Variants in SERPINA4 observed in about 807,000 individuals in gnomAD.
The protein encoded by SERPINA4 is kallistatin.
In SERPINA4, 24 loss-of-function variants were observed where a neutral mutation model predicts 25.4. The ratio of observed to expected loss-of-function variants is 0.95; its 90% CI spans 0.69 to 1.33. The LOEUF is 1.33. SERPINA4 is among the 40% of genes most tolerant of loss of function. SERPINA4 has a pLI of 0.00. For missense variants in SERPINA4, 553 were observed against 535.8 expected (o/e 1.03, Z -0.32); for synonymous variants, 242 against 223.6 (o/e 1.08, Z -0.73).
intron 4 of SERPINA4, 93 bp from the exon 5 acceptor site, chr14:94,569,302 A>C: frequency 8.7e-7 from 1 of 1,154,816 alleles, no homozygotes; most frequent in Non-Finnish European, 1.2e-6. Context: ...TGTTATGTGC[A>C]ATATTATTCC....
intron 3 of SERPINA4, 137 bp downstream of exon 3, chr14:94,567,380 G>A (rs751076076): frequency 1.1e-5 from 10 of 948,746 alleles, no homozygotes; most frequent in Non-Finnish European, 1.5e-5. Flanking sequence ...AACTTCCATG[G>A]GCTTCCTTTA....
In SERPINA4 at chr14:94,563,796, T is replaced by C; in HGVS notation, c.314T>C (p.Leu105Pro). ...AGCCGCAGCCAGATCCTTGAGGGCC[T>C]GGGCTTCAACCTCACCGAGCTGTCT... ...SHSRSQILEG[L>P]GFNLTELSES... The change falls in exon 2 of 5, where the codon CTG becomes CCG. Residue 105 changes from leucine (L) to proline (P), a missense_variant. Physicochemically the swap from Leu to Pro is moderately conservative, Grantham distance 98 (BLOSUM62 -3). Coordinates refer to ENST00000557004, the MANE Select transcript of SERPINA4 (RefSeq NM_006215.4). 1.2e-6 allele frequency: 2 copies of C among 1,614,194 alleles called. No individual in the cohort carries two copies. The highest frequency in any genetic ancestry group is 2.2e-5 in the East Asian group (1 of 44,874).
At chr14:94,565,281 G>A (rs1261614158) in intron 2 of SERPINA4, among the ~76,000 whole-genome samples, 2 of 152,124 alleles carry the variant, frequency 1.3e-5, no homozygotes, top group Non-Finnish European at 2.9e-5. Context: ...GTTGTTTAGT[G>A]GGGTTAGACT....
rs1166650157 is a variant in SERPINA4 at position 94,563,770 on chromosome 14, C to T, written c.288C>T (p.His96=). The part of the protein sequence containing the change: ...YAMLSLGACS[H]SRSQILEGLG... ...TGCTTTCCCTGGGGGCCTGCTCACA[C>T]AGCCGCAGCCAGATCCTTGAGGGCC... Residue 96 remains histidine, a synonymous_variant, in exon 2 of 5, where the codon CAC becomes CAT. Transcript: ENST00000557004. 16 of 1,614,176 alleles carry T rather than the reference C, an allele frequency of 9.9e-6. No individual in the cohort carries two copies. The highest frequency in any genetic ancestry group is 4.4e-5 in the South Asian group (4 of 91,086).
In SERPINA4 at chr14:94,569,882, C is replaced by G. The variant is rs572076201; in HGVS notation, c.*287C>G. On this transcript the variant is annotated 3_prime_UTR_variant, in exon 5 of 5. Transcript: ENST00000557004. The stretch of plus-strand genomic sequence containing the variant: ...CCTTTTCACAACAGGCTGGTTGTAC[C>G]GAGTAAACAACACGATGCCATGAAG... 3 of 473,752 alleles carry G rather than the reference C, an allele frequency of 6.3e-6. No individual in the cohort carries two copies. The highest frequency in any genetic ancestry group is 1.2e-5 in the Non-Finnish European group (3 of 259,748). The allele number at this position is 473,752 out of a possible 1,614,324, so 29.3% of individuals were successfully genotyped here. A position where few individuals can be genotyped will look rare whatever the true frequency, so the allele number is the denominator to read the frequency against.
intron 1 of SERPINA4, chr14:94,561,737 C>T: frequency 7.8e-7 from 1 of 1,289,750 alleles, no homozygotes; most frequent in Non-Finnish European, 1.0e-6. Context: ...CCCAGAAAAG[C>T]CTCCCCCAGG....
chr14:94,563,366 G>A (rs1902084578), intron 1 of SERPINA4, 100 bp from the exon 2 acceptor site: 2 of 1,237,782 alleles, frequency 1.6e-6, no homozygotes, highest in Admixed American at 2.2e-5. Context: ...AGTTGAGGGT[G>A]TCACTCACGA....
Position 94,569,692 on chromosome 14 carries a change from C to A in SERPINA4, c.*97C>A. ...TGTTTAGAGTTGGGGACAAGGATGA[C>A]ACCGAAGGTCCAGGAGTCCAGGACA... On this transcript the variant is annotated 3_prime_UTR_variant, in exon 5 of 5. Transcript: ENST00000557004. The A allele has an allele frequency of 7.4e-7, 1 of 1,357,710 alleles. No individual in the cohort carries two copies. The highest frequency in any genetic ancestry group is 1.0e-6 in the Non-Finnish European group (1 of 973,114). The allele number at this position is 1,357,710 out of a possible 1,614,324, so 84.1% of individuals were successfully genotyped here. A position where few individuals can be genotyped will look rare whatever the true frequency, so the allele number is the denominator to read the frequency against.
intron 2 of SERPINA4, 39 bp from the exon 3 acceptor site, chr14:94,566,931 C>A: frequency 6.3e-7 from 1 of 1,580,612 alleles, no homozygotes; most frequent in South Asian, 1.2e-5. Context: ...GCTCTGTGGC[C>A]TGCAGATGTC....
intron 3 of SERPINA4, 58 bp from the exon 4 acceptor site, chr14:94,568,071 C>T (rs532712722): frequency 6.3e-7 from 1 of 1,585,360 alleles, no homozygotes; most frequent in African/African-American, 1.3e-5. Context: ...AGGGCTCTGC[C>T]CAGCAGGGAT....
rs759282087 is a variant in SERPINA4, at chr14:94,567,145, C to T, written c.825C>T (p.Thr275=). Residue 275 remains threonine (T), a synonymous_variant, in exon 3 of 5, where the codon ACC becomes ACT. Transcript: ENST00000557004. ...VLRMDYKGDA[T]VFFILPNQGK... ...GGATGGATTACAAAGGAGACGCAAC[C>T]GTGTTTTTCATTCTCCCTAACCAAG... 1.7e-5 allele frequency: 28 copies of T among 1,614,016 alleles called. No homozygotes were observed. The African/African-American group carries it at 3.1e-4, about 18-fold the overall frequency.
chr14:94,566,051 C>T (rs1902194758), intron 2 of SERPINA4, among the ~76,000 whole-genome samples: 1 of 152,180 alleles, frequency 6.6e-6, no homozygotes, highest in Non-Finnish European at 1.5e-5. Flanking sequence ...CACCTCACTG[C>T]ACATCGCCTC....
rs777191080 is a variant in SERPINA4, at chr14:94,567,092, G to T, written c.772G>T (p.Asp258Tyr). ...CCAGGAGCATCACTGGTATCTTCATGACAGATACTTGCCCTGCTCGGTGCT... is the reference window on the plus strand; with the variant it reads ...CCAGGAGCATCACTGGTATCTTCATTACAGATACTTGCCCTGCTCGGTGCT... ...QDQEHHWYLHDRYLPCSVLRM... is the reference protein window; with the variant it reads ...QDQEHHWYLHYRYLPCSVLRM... Residue 258 changes from aspartate to tyrosine, a missense_variant, in exon 3 of 5, where the codon GAC becomes TAC. By Grantham distance (160) the Asp-to-Tyr change is radical. Transcript: ENST00000557004. 2 of 1,614,228 alleles carry T rather than the reference G, an allele frequency of 1.2e-6. No homozygotes were observed. The highest frequency in any genetic ancestry group is 1.1e-5 in the South Asian group (1 of 91,082).
At chr14:94,565,606 G>A (rs1438880874) in intron 2 of SERPINA4, among the ~76,000 whole-genome samples, 2 of 151,998 alleles carry the variant, frequency 1.3e-5, no homozygotes, top group African/African-American at 4.8e-5. Flanking sequence ...CCAGCACTTT[G>A]GGAGGCCAAG....
chr14:94,561,602 T>C (rs1902026467), intron 1 of SERPINA4, 108 bp downstream of exon 1: 2 of 1,232,756 alleles, frequency 1.6e-6, no homozygotes, highest in African/African-American at 3.1e-5. Context: ...TTTTCAGTGC[T>C]AAAACCAGGA....
chr14:94,563,540 G>GGCCA lies in SERPINA4; in HGVS notation c.61_64dup (p.Leu22ProfsTer5), dbSNP rs1156774703. ...GGTTGGACTACTGGCCCTTTCTCAT[G>GGCCA]GCCAGCTGCACGTTGAGCATGATGG... On this transcript the variant is annotated frameshift_variant, in exon 2 of 5. Transcript: ENST00000557004. LOFTEE classifies it high-confidence loss of function. 4 of 1,614,008 alleles carry GGCCA rather than the reference G, an allele frequency of 2.5e-6. No individual in the cohort carries two copies. The African/African-American group carries it at 4.0e-5, about 16-fold the overall frequency.
rs1316169194 is a variant in SERPINA4, at chr14:94,568,113, T to C, written c.924-16T>C. 2.5e-6 allele frequency: 4 copies of C among 1,613,876 alleles called. No individual in the cohort carries two copies. The highest frequency in any genetic ancestry group is 3.4e-6 in the Non-Finnish European group (4 of 1,179,894). ...TTGTTCATTAATCTAATGTTCTAAC[T>C]CAATGCCCCTTTCAGGAATTTTTAC... On this transcript the variant is annotated splice_polypyrimidine_tract_variant and intron_variant, in intron 3 of 4. Transcript: ENST00000557004.
intron 2 of SERPINA4, among the ~76,000 whole-genome samples, chr14:94,565,162 A>G (rs946770174): frequency 2.0e-5 from 3 of 152,250 alleles, no homozygotes; most frequent in African/African-American, 7.2e-5. Flanking sequence ...ATGTAAGCGG[A>G]CAAGTCAGAG....
chr14:94,564,268 A>G (rs1902133255), intron 2 of SERPINA4, 137 bp downstream of exon 2: 1 of 822,210 alleles, frequency 1.2e-6, no homozygotes, highest in East Asian at 2.6e-5. Flanking sequence ...ACCCTCAGGG[A>G]ATGCAATGTG....
Sources: gnomAD v4.1 joint callset for allele counts (sites outside exome capture counted in the v4.1 genomes callset) on GRCh38, gnomAD v4.1.1 for gene constraint, MANE v1.5 for transcripts, NCBI Gene and HGNC (gene_info 2026-07-23, HGNC 2026-07-21) for gene names.